The following GRIP1 variants were observed in gnomAD, a reference collection of about 807,000 sequenced individuals.
GRIP1 encodes glutamate receptor-interacting protein 1.
Under a neutral mutation model 129.9 loss-of-function variants are expected in GRIP1, and 45 were observed. That is an observed-to-expected ratio of 0.35 (90% CI 0.27 to 0.44). The LOEUF (loss-of-function observed/expected upper bound fraction) is 0.44, where lower values mean the gene tolerates loss of function less well. GRIP1 is among the 20% of genes least tolerant of loss of function. The pLI, the probability that GRIP1 is intolerant of heterozygous loss-of-function variation, is 1.00. For missense variants in GRIP1, 1,196 were observed against 1,396.8 expected (o/e 0.86, Z 2.29); for synonymous variants, 530 against 520.8 (o/e 1.02, Z -0.24).
chr12:66,775,922 T>C (rs1283700899), intron 1 of GRIP1, among the ~76,000 whole-genome samples: 1 of 152,166 alleles, frequency 6.6e-6, no homozygotes, highest in Non-Finnish European at 1.5e-5. Context: ...TATGCTTATG[T>C]GCAAGGAGGA....
At chr12:66,394,136 G>T in intron 17 of GRIP1, 72 bp downstream of exon 17, 1 of 1,370,920 alleles carries the variant, frequency 7.3e-7, no homozygotes, top group Non-Finnish European at 1.0e-6. Flanking sequence ...AGAGGAGCAT[G>T]TTTTTATGTG....
rs557323217 is a variant in GRIP1 at position 67,055,289 on chromosome 12, G to A, written c.58+13761C>T. On this transcript the variant is annotated intron_variant, in intron 1 of 1. Coordinates refer to the GRIP1 transcript ENST00000643019. ...AGAGAGGGGAGAGTATGCTGGAGCC[G>A]CTCCTGGAGTGGGCCAGAGGGAATG... is the stretch of plus-strand genomic sequence containing the variant. Among the ~76,000 whole-genome samples the A allele has an allele frequency of 9.8e-5, 15 of 152,332 alleles. No homozygotes were observed. In the East Asian group the frequency reaches 1.9e-3, roughly 20 times the overall value.
chr12:66,865,150 G>C (rs561532940), intron 1 of GRIP1, among the ~76,000 whole-genome samples: 1 of 152,260 alleles, frequency 6.6e-6, no homozygotes, highest in South Asian at 2.1e-4. Flanking sequence ...CTGACTTTCA[G>C]TATTTTAGCT....
intron 1 of GRIP1, among the ~76,000 whole-genome samples, chr12:66,715,464 G>GTGTGTGTT (rs2035850081): frequency 7.2e-6 from 1 of 138,230 alleles, no homozygotes; most frequent in Admixed American, 7.3e-5. Flanking sequence ...GTGTGTGTGT[G>GTGTGTGTT]TGTGTGTGAG....
At chr12:66,428,769 C>A (rs936235985) in intron 14 of GRIP1, among the ~76,000 whole-genome samples, 10 of 152,168 alleles carry the variant, frequency 6.6e-5, no homozygotes, top group African/African-American at 2.4e-4. Context: ...TAGTGCCATG[C>A]CTGGTACAAA....
intron 1 of GRIP1, among the ~76,000 whole-genome samples, chr12:67,050,941 T>C (rs1198871630): frequency 1.3e-5 from 2 of 152,182 alleles, no homozygotes; most frequent in Non-Finnish European, 1.5e-5. Flanking sequence ...AAGAGGAAAC[T>C]ACGGGAATGT....
At chr12:66,559,613 A>G (rs968727814) in intron 2 of GRIP1, among the ~76,000 whole-genome samples, 3 of 152,144 alleles carry the variant, frequency 2.0e-5, no homozygotes, top group African/African-American at 4.8e-5. Context: ...CTAGGAATTA[A>G]AAGAAGTGAA....
At position 66,762,637 on chromosome 12, in the gene GRIP1, A is replaced by T. The variant is rs1333267078; in HGVS notation, c.-420+41416T>A. ...AAAGTTGGTTCAATTCAATTCTACAAACACCACTAACACCATTCTGTACAA... is the reference window on the plus strand; with the variant it reads ...AAAGTTGGTTCAATTCAATTCTACATACACCACTAACACCATTCTGTACAA... On this transcript the variant is annotated intron_variant, in intron 1 of 4. Coordinates refer to the GRIP1 transcript ENST00000538373. 2.0e-5 allele frequency among the ~76,000 whole-genome samples: 3 copies of T among 152,164 alleles called. No individual in the cohort carries two copies. In the East Asian group the frequency reaches 5.8e-4, roughly 29 times the overall value.
intron 7 of GRIP1, among the ~76,000 whole-genome samples, chr12:66,498,122 G>A (rs949744647): frequency 2.0e-5 from 3 of 151,974 alleles, no homozygotes; most frequent in Non-Finnish European, 4.4e-5. Context: ...ATCTCCCTTC[G>A]CTGACTCCCT....
At chr12:66,908,044 G>A (rs1483997336) in intron 1 of GRIP1, among the ~76,000 whole-genome samples, 1 of 152,092 alleles carries the variant, frequency 6.6e-6, no homozygotes, top group Non-Finnish European at 1.5e-5. Context: ...TCAGCATCAT[G>A]GAAATTTTAA....
chr12:66,419,562 A>G (rs946102970), intron 15 of GRIP1, among the ~76,000 whole-genome samples: 7 of 152,220 alleles, frequency 4.6e-5, no homozygotes, highest in East Asian at 3.8e-4. Flanking sequence ...CTTGTATCCC[A>G]TAAGTATATA....
rs117166311 is a variant in GRIP1 at position 66,699,443 on chromosome 12, C to A, written c.-419-69107G>T. ...AATTATGGGTGCGGTTTCCCTCATA[C>A]TGTTCTCATGGTAGTGAATAAGTCT... is the stretch of plus-strand genomic sequence containing the variant. On this transcript the variant is annotated intron_variant, in intron 1 of 4. Coordinates refer to the GRIP1 transcript ENST00000538373. Among the ~76,000 whole-genome samples, 41 of 152,242 alleles carry A rather than the reference C, an allele frequency of 2.7e-4. No individual in the cohort carries two copies. In the East Asian group the frequency reaches 7.4e-3, roughly 27 times the overall value.
chr12:66,463,174 T>A, intron 8 of GRIP1, 81 bp from the exon 9 acceptor site: 1 of 1,173,742 alleles, frequency 8.5e-7, no homozygotes, highest in South Asian at 1.3e-5. Context: ...TAGTTAAAAT[T>A]TCACAGTTTT....
intron 7 of GRIP1, among the ~76,000 whole-genome samples, chr12:66,510,005 C>T (rs2060650091): frequency 6.6e-6 from 1 of 152,006 alleles, no homozygotes; most frequent in African/African-American, 2.4e-5. Flanking sequence ...TTTTATGTTA[C>T]TTTTCCAACC....
At chr12:66,564,652 T>C (rs2062678225) in intron 2 of GRIP1, among the ~76,000 whole-genome samples, 1 of 152,180 alleles carries the variant, frequency 6.6e-6, no homozygotes, top group Non-Finnish European at 1.5e-5. Context: ...AGTAATGGGA[T>C]GGCTGGGTCA....
chr12:66,743,290 T>C (rs542025091), intron 1 of GRIP1, among the ~76,000 whole-genome samples: 1 of 152,130 alleles, frequency 6.6e-6, no homozygotes, highest in Non-Finnish European at 1.5e-5. Context: ...GAAACAATGC[T>C]GAGAACCACT....
chr12:66,394,294 C>A lies in GRIP1; in HGVS notation c.2043G>T (p.Gly681=), dbSNP rs753162524. The A allele has an allele frequency of 6.2e-7, 1 of 1,613,188 alleles. No individual in the cohort carries two copies. Among genetic ancestry groups the A allele is most frequent in the Non-Finnish European group, 8.5e-7 (1 of 1,179,152 alleles). Residue 681 remains glycine (G), a synonymous_variant, in exon 17 of 25, where the codon GGG becomes GGT. Transcript: ENST00000359742. ...TTCCTGAAATTGTGATGCCAAGGGG[C>A]CCCCCGTAGCGTTTAAGCTCCACGG... is the stretch of plus-strand genomic sequence containing the variant. ...IYTVELKRYG[G]PLGITISGTE...
At chr12:66,988,231 T>A (rs1327413386) in intron 1 of GRIP1, among the ~76,000 whole-genome samples, 2 of 152,166 alleles carry the variant, frequency 1.3e-5, no homozygotes, top group Non-Finnish European at 2.9e-5. Context: ...TATTCCTTGA[T>A]CAATAGATAT....
intron 1 of GRIP1, among the ~76,000 whole-genome samples, chr12:66,789,724 G>A (rs912485835): frequency 5.9e-5 from 9 of 151,836 alleles, no homozygotes; most frequent in African/African-American, 1.5e-4. Context: ...CATGCAATCC[G>A]AATTACTTCT....
Sources: gnomAD v4.1 joint callset for allele counts (sites outside exome capture counted in the v4.1 genomes callset) on GRCh38, gnomAD v4.1.1 for gene constraint, MANE v1.5 for transcripts, NCBI Gene and HGNC (gene_info 2026-07-23, HGNC 2026-07-21) for gene names.